The following SYCP1 variants were observed in gnomAD, a reference collection of about 807,000 sequenced individuals.
The protein encoded by SYCP1 is cancer/testis antigen 8.
In SYCP1, 64 loss-of-function variants were observed where a neutral mutation model predicts 153.1. That is an observed-to-expected ratio of 0.42 (90% CI 0.34 to 0.51). The LOEUF (loss-of-function observed/expected upper bound fraction) is 0.51. SYCP1 is among the 20% of genes least tolerant of loss of function. The pLI is 0.06. For missense variants in SYCP1, 997 were observed against 1,049.0 expected, an observed-to-expected ratio of 0.95 and a Z score of 0.68; for synonymous variants, 384 against 341.8, an observed-to-expected ratio of 1.12 and a Z score of -1.36.
intron 27 of SYCP1, among the ~76,000 whole-genome samples, chr1:114,964,263 C>T (rs916705736): frequency 2.0e-5 from 3 of 152,210 alleles, no homozygotes; most frequent in African/African-American, 7.2e-5. Flanking sequence ...CTTGTAGATT[C>T]TGGATACTAG....
At chr1:114,906,418 G>C (rs1667812033) in intron 16 of SYCP1, among the ~76,000 whole-genome samples, 1 of 151,518 alleles carries the variant, frequency 6.6e-6, no homozygotes, top group Non-Finnish European at 1.5e-5. Flanking sequence ...CTGCTACTTT[G>C]AGTTTATTTT....
At chr1:114,861,796 A>G (rs72694065) in intron 8 of SYCP1, among the ~76,000 whole-genome samples, 6,504 of 141,048 alleles carry the variant, frequency 0.046, 210 homozygotes, top group Non-Finnish European at 0.074. Flanking sequence ...AGGTTTTTTT[A>G]TTCTTTTTTT....
intron 8 of SYCP1, among the ~76,000 whole-genome samples, chr1:114,863,342 A>T (rs2101330204): frequency 6.6e-6 from 1 of 152,286 alleles, no homozygotes; most frequent in Non-Finnish European, 1.5e-5. Flanking sequence ...TCACGAGGTC[A>T]AGAGATCAAG....
chr1:114,979,556 C>G (rs1363206216), intron 28 of SYCP1, among the ~76,000 whole-genome samples: 1 of 151,708 alleles, frequency 6.6e-6, no homozygotes, highest in African/African-American at 2.4e-5. Context: ...TCCATTAAAG[C>G]AGTTACATTT....
At chr1:114,954,500 A>G (rs1398079532) in intron 27 of SYCP1, among the ~76,000 whole-genome samples, 2 of 151,236 alleles carry the variant, frequency 1.3e-5, no homozygotes, top group African/African-American at 4.8e-5. Context: ...TAATAAATAC[A>G]ATAATAATTA....
intron 8 of SYCP1, among the ~76,000 whole-genome samples, chr1:114,868,987 C>A (rs1055844772): frequency 6.6e-6 from 1 of 152,056 alleles, no homozygotes. Flanking sequence ...AAATAACCAG[C>A]TTTTGGTTTC....
chr1:114,943,862 C>T (rs1670532216), intron 23 of SYCP1, among the ~76,000 whole-genome samples: 1 of 151,634 alleles, frequency 6.6e-6, no homozygotes, highest in South Asian at 2.1e-4. Flanking sequence ...GCTTTCCTTC[C>T]CTCTTAATAA....
Position 114,984,867 on chromosome 1 carries a change from T to C in SYCP1, c.2702T>C (p.Leu901Ser). 2 of 1,357,328 alleles carry C rather than the reference T, an allele frequency of 1.5e-6. No individual in the cohort carries two copies. The highest frequency in any genetic ancestry group is 5.4e-5 in the Admixed American group (2 of 37,282). The allele number at this position is 1,357,328 out of a possible 1,614,324, so 84.1% of individuals were successfully genotyped here. A position where few individuals can be genotyped will look rare whatever the true frequency, so the allele number is the denominator to read the frequency against. ...GATAGTTCAGAAACTACTGATCTTT[T>C]GGTAAAAATTTTACAAATAATATTT... ...NSDSSETTDL[L>S]SMVSEEETLK... The change falls in exon 30 of 32, where the codon TTG becomes TCG. Residue 901 changes from leucine to serine, a missense_variant and splice_region_variant. Transcript: ENST00000369522.
At position 114,981,644 on chromosome 1, in the gene SYCP1, A is replaced by G. The variant is rs141361293; in HGVS notation, c.2559+132A>G. The G allele has an allele frequency of 2.2e-5, 18 of 819,492 alleles. No individual in the cohort carries two copies. The East Asian group carries it at 5.3e-4, about 24-fold the overall frequency. 50.8% of individuals were successfully genotyped at this position (819,492 alleles called of 1,614,324 possible). On this transcript the variant is annotated intron_variant, in intron 29 of 31. Coordinates refer to ENST00000369522, the MANE Select transcript of SYCP1 (RefSeq NM_003176.4). ...TGAAAGTTTCAATTTTTTTTGTGGT[A>G]TCAGCATGAAATGTAAAGACAAGGT...
At chr1:114,870,421 T>C (rs567758480) in intron 8 of SYCP1, among the ~76,000 whole-genome samples, 1 of 151,834 alleles carries the variant, frequency 6.6e-6, no homozygotes, top group South Asian at 2.1e-4. Context: ...TTATTTGCCA[T>C]CCATATGTCT....
At chr1:114,902,002 C>G (rs1667479359) in intron 16 of SYCP1, among the ~76,000 whole-genome samples, 1 of 151,910 alleles carries the variant, frequency 6.6e-6, no homozygotes, top group African/African-American at 2.4e-5. Flanking sequence ...TGGGATGGAG[C>G]TGGACTCCTT....
chr1:114,936,058 C>G (rs1669984958), intron 23 of SYCP1, among the ~76,000 whole-genome samples: 1 of 152,086 alleles, frequency 6.6e-6, no homozygotes, highest in Non-Finnish European at 1.5e-5. Flanking sequence ...TTTATGAGGC[C>G]AGCATCATCC....
At chr1:114,942,838 A>G (rs535096034) in intron 23 of SYCP1, among the ~76,000 whole-genome samples, 1 of 152,106 alleles carries the variant, frequency 6.6e-6, no homozygotes, top group East Asian at 1.9e-4. Context: ...TATATACTAA[A>G]ATAATTTCTG....
chr1:114,946,235 CTT>C, intron 25 of SYCP1, 52 bp from the exon 26 acceptor site: 3 of 849,678 alleles, frequency 3.5e-6, no homozygotes, highest in Non-Finnish European at 5.1e-6. Context: ...GGATACCAAT[CTT>C]ATAATCTATT....
intron 8 of SYCP1, among the ~76,000 whole-genome samples, chr1:114,872,797 G>A (rs1168754945): frequency 6.6e-6 from 1 of 152,006 alleles, no homozygotes; most frequent in Non-Finnish European, 1.5e-5. Context: ...GCTGTGTCTA[G>A]TCTACTAATA....
intron 8 of SYCP1, among the ~76,000 whole-genome samples, chr1:114,861,034 T>A (rs1001658448): frequency 6.6e-6 from 1 of 152,174 alleles, no homozygotes; most frequent in Admixed American, 6.5e-5. Context: ...ATATTCTTGA[T>A]ATTTATAGTT....
chr1:114,919,938 CA>C (rs1668756112), intron 20 of SYCP1, among the ~76,000 whole-genome samples: 1 of 151,612 alleles, frequency 6.6e-6, no homozygotes, highest in East Asian at 1.9e-4. Flanking sequence ...TTTATCTTTT[CA>C]AAAAACCAAC....
intron 8 of SYCP1, among the ~76,000 whole-genome samples, chr1:114,866,859 T>C (rs541948828): frequency 3.9e-5 from 6 of 152,096 alleles, no homozygotes; most frequent in African/African-American, 1.4e-4. Flanking sequence ...ATGATAAATT[T>C]TGAGTTAATT....
chr1:114,932,983 A>G (rs2101767921), intron 23 of SYCP1, among the ~76,000 whole-genome samples: 1 of 152,322 alleles, frequency 6.6e-6, no homozygotes. Context: ...GGCGTAGCTG[A>G]ACACAAGGCA....
Sources: allele counts gnomAD v4.1 joint callset (sites outside exome capture counted in the v4.1 genomes callset), GRCh38; gene constraint gnomAD v4.1.1; transcripts MANE v1.5; gene names NCBI Gene and HGNC (gene_info 2026-07-23, HGNC 2026-07-21).